Variants in BLVRA observed in about 807,000 individuals in gnomAD.
The protein encoded by BLVRA is biliverdin reductase A, also known as BVR A.
Under a neutral mutation model 32.8 loss-of-function variants are expected in BLVRA, and 22 were observed. The ratio of observed to expected loss-of-function variants is 0.67; its 90% CI spans 0.48 to 0.96. The LOEUF (loss-of-function observed/expected upper bound fraction) is 0.96. Ranked by LOEUF, BLVRA falls within the 40% of genes least tolerant of loss-of-function variation. The pLI is 0.00. For synonymous variants in BLVRA, 119 were observed against 141.3 expected, an observed-to-expected ratio of 0.84 and a Z score of 1.12; for missense variants, 323 against 358.1, an observed-to-expected ratio of 0.90 and a Z score of 0.79.
intron 7 of BLVRA, among the ~76,000 whole-genome samples, chr7:43,806,662 TG>T (rs1192336106): frequency 6.6e-6 from 1 of 151,854 alleles, no homozygotes; most frequent in African/African-American, 2.4e-5. Context: ...GCAGGAAAAT[TG>T]CTTGAACCCA....
chr7:43,785,877 A>G lies in BLVRA; in HGVS notation c.13-2027A>G, dbSNP rs561468686. ...GTAAAATATATAATATAAAATCCTT[A>G]ACTTCTGAAAAAGAGTTATAGCTAA... On this transcript the variant is annotated intron_variant, in intron 2 of 7. Coordinates refer to ENST00000265523, the MANE Select transcript of BLVRA (RefSeq NM_000712.4). Among the ~76,000 whole-genome samples, 32 of 152,338 alleles carry G rather than the reference A, an allele frequency of 2.1e-4. 1 individual carries two copies. In the South Asian group the frequency reaches 6.4e-3, roughly 31 times the overall value.
At chr7:43,798,196 A>G (rs9692130) in intron 5 of BLVRA, among the ~76,000 whole-genome samples, 90 of 116,388 alleles carry the variant, frequency 7.7e-4, no homozygotes, top group African/African-American at 3.1e-3. Flanking sequence ...TCCCCATCTC[A>G]CAAAAAAAAA....
At chr7:43,779,472 T>G (rs955381933) in intron 2 of BLVRA, among the ~76,000 whole-genome samples, 2 of 152,250 alleles carry the variant, frequency 1.3e-5, no homozygotes, top group African/African-American at 2.4e-5. Context: ...TTATAAAAAT[T>G]TATTTTGTAA....
chr7:43,795,359 T>C (rs999847782), intron 5 of BLVRA, among the ~76,000 whole-genome samples: 1 of 151,804 alleles, frequency 6.6e-6, no homozygotes, highest in Non-Finnish European at 1.5e-5. Flanking sequence ...CTACTAAAAA[T>C]ACAAAAATTA....
At chr7:43,777,721 A>G (rs1049769382) in intron 2 of BLVRA, among the ~76,000 whole-genome samples, 6 of 152,240 alleles carry the variant, frequency 3.9e-5, no homozygotes, top group African/African-American at 1.2e-4. Context: ...TCTCCTGGAT[A>G]ATATCCTGCA....
At chr7:43,764,198 T>G (rs2095745375) in intron 1 of BLVRA, 1 of 150,234 alleles carries the variant, frequency 6.7e-6, no homozygotes. Flanking sequence ...GAGTTGTGCC[T>G]GTGTACGCAG....
chr7:43,788,075 G>A (rs2095780373), intron 3 of BLVRA, 50 bp downstream of exon 3: 1 of 1,614,006 alleles, frequency 6.2e-7, no homozygotes, highest in South Asian at 1.1e-5. Context: ...GCCCAGTGAG[G>A]CGGATTAGCT....
At chr7:43,768,249 A>T (rs1312602466) in intron 1 of BLVRA, among the ~76,000 whole-genome samples, 6 of 152,266 alleles carry the variant, frequency 3.9e-5, no homozygotes, top group East Asian at 1.9e-4. Context: ...GACCTTGGAG[A>T]TGAAGTCCAA....
At chr7:43,803,870 G>T (rs748451663) in intron 7 of BLVRA, 23 bp downstream of exon 7, 1 of 1,613,138 alleles carries the variant, frequency 6.2e-7, no homozygotes, top group South Asian at 1.1e-5. Context: ...AAGCCATGAG[G>T]AGGAGGAAAT....
At chr7:43,762,323 T>TC (rs1364001545) in intron 1 of BLVRA, among the ~76,000 whole-genome samples, 1 of 151,812 alleles carries the variant, frequency 6.6e-6, no homozygotes, top group Non-Finnish European at 1.5e-5. Flanking sequence ...CATACCCTTT[T>TC]CCCCCCGAGT....
At chr7:43,777,875 C>T (rs1331847644) in intron 2 of BLVRA, among the ~76,000 whole-genome samples, 15 of 152,324 alleles carry the variant, frequency 9.8e-5, no homozygotes, top group East Asian at 5.8e-4. Flanking sequence ...CTTCCCTTCT[C>T]GCTTCATTTC....
intron 4 of BLVRA, among the ~76,000 whole-genome samples, chr7:43,792,043 C>T (rs2095786757): frequency 6.6e-6 from 1 of 152,182 alleles, no homozygotes; most frequent in Non-Finnish European, 1.5e-5. Context: ...GACATAAGTC[C>T]CATGCTTATA....
chr7:43,787,353 GCA>G lies in BLVRA; in HGVS notation c.13-550_13-549del, dbSNP rs2095779025. ...GCACTTAAATAATATTTAAGATACT[GCA>G]GTATCTTAAATGTGGAACTCAGAAG... On this transcript the variant is annotated intron_variant, in intron 2 of 7. Transcript: ENST00000265523. This position sits in a 1 kb window ranked among gnomAD's most constrained non-coding sequence, Gnocchi z 4.5. 6.6e-6 allele frequency among the ~76,000 whole-genome samples: 1 copy of G among 152,180 alleles called. No homozygotes were observed. The highest frequency in any genetic ancestry group is 1.5e-5 in the Non-Finnish European group (1 of 68,042).
chr7:43,783,057 C>T (rs1157857644), intron 2 of BLVRA, among the ~76,000 whole-genome samples: 2 of 152,014 alleles, frequency 1.3e-5, no homozygotes, highest in Non-Finnish European at 1.5e-5. Flanking sequence ...CGGGAGTGAG[C>T]CAAGGCGCTA....
At position 43,802,395 on chromosome 7, in the gene BLVRA, A is replaced by C. The variant is rs17246065; in HGVS notation, c.461-1281A>C. On this transcript the variant is annotated intron_variant, in intron 6 of 7. Coordinates refer to ENST00000265523, the MANE Select transcript of BLVRA (RefSeq NM_000712.4). ...TTTATAATGTAATGTAACAGATATG[A>C]AGTCTTTTAAACTTAGGTTATGTTT... Among the ~76,000 whole-genome samples, 1,164 of 152,296 alleles carry C rather than the reference A, an allele frequency of 7.6e-3. 14 individuals are homozygous for C. The highest frequency in any genetic ancestry group is 0.026 in the African/African-American group (1,092 of 41,558).
rs374999996 is a variant in BLVRA at position 43,762,259 on chromosome 7, A to G, written c.-22+3525A>G. ...GTTGGGGTAGGAAGGTGTCCTGTGC[A>G]TCACAGGATGTTTTGCAGCATCCCT... On this transcript the variant is annotated intron_variant, in intron 1 of 7. Coordinates refer to ENST00000265523, the MANE Select transcript of BLVRA (RefSeq NM_000712.4). Among the ~76,000 whole-genome samples, 43 of 152,158 alleles carry G rather than the reference A, an allele frequency of 2.8e-4. No individual in the cohort carries two copies. The South Asian group carries it at 8.7e-3, about 31-fold the overall frequency.
intron 2 of BLVRA, among the ~76,000 whole-genome samples, chr7:43,785,103 C>T (rs921418884): frequency 7.9e-5 from 12 of 151,940 alleles, no homozygotes; most frequent in African/African-American, 2.7e-4. Context: ...GTTTCTTAAC[C>T]TTGTGCCTTT....
chr7:43,785,130 A>G (rs2095775591), intron 2 of BLVRA, among the ~76,000 whole-genome samples: 1 of 152,078 alleles, frequency 6.6e-6, no homozygotes, highest in Non-Finnish European at 1.5e-5. Flanking sequence ...AGCTGGTAGA[A>G]GCATATCCTG....
rs1196542181 is a variant in BLVRA at position 43,771,163 on chromosome 7, A to C, written c.5A>C (p.Asn2Thr). Residue 2 changes from asparagine to threonine, a missense_variant, in exon 2 of 8, where the codon AAT becomes ACT. Coordinates refer to ENST00000265523, the MANE Select transcript of BLVRA (RefSeq NM_000712.4). ...TGACCGAAGGAAGAGACCAAGATGA[A>C]TGCAGAGGTGAGTTCTTTACAAAGA... Reference protein sequence around the residue: MNAEPERKFGVV... With the variant: MTAEPERKFGVV... 1 of 1,614,064 alleles carries C rather than the reference A, an allele frequency of 6.2e-7. No individual in the cohort carries two copies. Among genetic ancestry groups the C allele is most frequent in the Admixed American group, 1.7e-5 (1 of 60,032 alleles).
Sources: gnomAD v4.1 joint callset for allele counts (sites outside exome capture counted in the v4.1 genomes callset) on GRCh38, gnomAD v4.1.1 for gene constraint, Gnocchi (gnomAD v3.1) non-coding constraint, MANE v1.5 for transcripts, NCBI Gene and HGNC (gene_info 2026-07-23, HGNC 2026-07-21) for gene names.